HFM1: variants seen among roughly 807,000 people sequenced by gnomAD.
The protein encoded by HFM1 is helicase for meiosis 1, also known as probable ATP-dependent DNA helicase HFM1.
Under a neutral mutation model 192.1 loss-of-function variants are expected in HFM1, and 169 were observed. That is an observed-to-expected ratio of 0.88 (90% CI 0.78 to 1.00). HFM1 has a LOEUF of 1.00. HFM1 is among the 50% of genes least tolerant of loss of function. The pLI is 0.00. For missense variants in HFM1, 1,661 were observed against 1,668.0 expected, an observed-to-expected ratio of 1.00 and a Z score of 0.07; for synonymous variants, 525 against 537.8, an observed-to-expected ratio of 0.98 and a Z score of 0.33.
intron 23 of HFM1, among the ~76,000 whole-genome samples, chr1:91,321,320 T>G (rs1652069695): frequency 6.6e-6 from 1 of 152,142 alleles, no homozygotes; most frequent in South Asian, 2.1e-4. Context: ...AGTGTGCTCC[T>G]GTAATCACAG....
At chr1:91,372,209 A>T in intron 13 of HFM1, among the ~76,000 whole-genome samples, 1 of 152,212 alleles carries the variant, frequency 6.6e-6, no homozygotes, top group Non-Finnish European at 1.5e-5. Context: ...AACTAGAAAT[A>T]CCATTTGATC....
chr1:91,366,122 CA>C (rs1262190439), intron 13 of HFM1, among the ~76,000 whole-genome samples: 1 of 151,822 alleles, frequency 6.6e-6, no homozygotes, highest in African/African-American at 2.4e-5. Context: ...TATATGTTTG[CA>C]AAAAAATGAT....
chr1:91,394,048 C>A, intron 4 of HFM1, 45 bp downstream of exon 4: 1 of 1,085,486 alleles, frequency 9.2e-7, no homozygotes. Flanking sequence ...TACAAATATT[C>A]AACTTTATTC....
At chr1:91,368,939 G>A (rs1659774433) in intron 13 of HFM1, among the ~76,000 whole-genome samples, 2 of 151,948 alleles carry the variant, frequency 1.3e-5, no homozygotes, top group South Asian at 4.2e-4. Context: ...AAAAGGCAGG[G>A]GTTGCAATCC....
At chr1:91,291,431 C>T (rs1249434530) in intron 30 of HFM1, among the ~76,000 whole-genome samples, 1 of 152,160 alleles carries the variant, frequency 6.6e-6, no homozygotes, top group East Asian at 1.9e-4. Flanking sequence ...CACCTCTACG[C>T]AAATAAACTA....
chr1:91,372,991 C>A (rs1411539869), intron 13 of HFM1, among the ~76,000 whole-genome samples: 1 of 151,936 alleles, frequency 6.6e-6, no homozygotes, highest in Non-Finnish European at 1.5e-5. Flanking sequence ...ATGCTTCACA[C>A]CCTAGAGATT....
rs1423513235 is a variant in HFM1, at chr1:91,380,126, C to T, written c.984G>A (p.Trp328Ter). The stretch of plus-strand genomic sequence containing the variant: ...TACTGTAAACAATTTTAATATTCAA[C>T]CATGGCAATGGTACTTCCATTAACA... ...TRLLMEVPLP[W>*]LNIKIVYMAP... The change falls in exon 8 of 39, where the codon TGG becomes TGA. Residue 328 changes from tryptophan to a stop codon, truncating the protein, a stop_gained. Transcript: ENST00000370425. LOFTEE classifies it high-confidence loss of function. 2 of 1,420,358 alleles carry T rather than the reference C, an allele frequency of 1.4e-6. No homozygotes were observed. The highest frequency in any genetic ancestry group is 1.9e-6 in the Non-Finnish European group (2 of 1,033,772). The allele number at this position is 1,420,358 out of a possible 1,614,324, so 88.0% of individuals were successfully genotyped here. A position where few individuals can be genotyped will look rare whatever the true frequency, so the allele number is the denominator to read the frequency against.
intron 34 of HFM1, 36 bp from the exon 35 acceptor site, chr1:91,267,891 A>G (rs1665917853): frequency 9.0e-7 from 1 of 1,110,224 alleles, no homozygotes; most frequent in Admixed American, 2.2e-5. Flanking sequence ...TGCATCTGTC[A>G]AATGTTGGTT....
chr1:91,294,893 G>A (rs1388535278), intron 30 of HFM1, among the ~76,000 whole-genome samples: 1 of 152,118 alleles, frequency 6.6e-6, no homozygotes, highest in Non-Finnish European at 1.5e-5. Flanking sequence ...CACATAATAT[G>A]CAAGGGGAAT....
chr1:91,401,129 T>G lies in HFM1; in HGVS notation c.-27-20A>C, dbSNP rs780441809. The G allele has an allele frequency of 2.9e-6, 3 of 1,020,732 alleles. No homozygotes were observed. In the Admixed American group the frequency reaches 7.8e-5, roughly 27 times the overall value. The allele number at this position is 1,020,732 out of a possible 1,614,324, so 63.2% of individuals were successfully genotyped here. On this transcript the variant is annotated intron_variant, in intron 1 of 38. Coordinates refer to ENST00000370425, the MANE Select transcript of HFM1 (RefSeq NM_001017975.6). The stretch of plus-strand genomic sequence containing the variant: ...ATAAATCTACAAAATATGGAAAAAG[T>G]AGTTTATATTTTATTTATAAAGATG...
At chr1:91,335,619 C>T (rs1482880415) in intron 20 of HFM1, among the ~76,000 whole-genome samples, 1 of 152,008 alleles carries the variant, frequency 6.6e-6, no homozygotes, top group East Asian at 1.9e-4. Context: ...ACAGGAAATT[C>T]AGGATATTTC....
intron 8 of HFM1, 139 bp downstream of exon 8, chr1:91,379,965 A>G (rs1661359551): frequency 2.4e-6 from 1 of 420,648 alleles, no homozygotes; most frequent in Non-Finnish European, 4.2e-6. Flanking sequence ...AAATTTAATG[A>G]CAAATAAGAC....
chr1:91,399,114 C>T (rs1020177605), intron 2 of HFM1, among the ~76,000 whole-genome samples: 1 of 152,188 alleles, frequency 6.6e-6, no homozygotes, highest in African/African-American at 2.4e-5. Flanking sequence ...TAATTACTTA[C>T]TGAGTACTAT....
chr1:91,364,378 T>C (rs1658940830), intron 13 of HFM1, among the ~76,000 whole-genome samples: 6 of 151,620 alleles, frequency 4.0e-5, no homozygotes, highest in Admixed American at 2.6e-4. Context: ...GGAAATAGTA[T>C]TGAGATTTCT....
chr1:91,368,300 T>C (rs1301540046), intron 13 of HFM1, among the ~76,000 whole-genome samples: 2 of 152,108 alleles, frequency 1.3e-5, no homozygotes, highest in Non-Finnish European at 2.9e-5. Context: ...AATTGTCAGA[T>C]TCACCAAAGT....
chr1:91,327,912 T>C (rs945002376), intron 20 of HFM1, among the ~76,000 whole-genome samples: 17 of 152,178 alleles, frequency 1.1e-4, no homozygotes, highest in Non-Finnish European at 2.2e-4. Context: ...AAAAATTTTT[T>C]GAAACAAATG....
upstream of HFM1, among the ~76,000 whole-genome samples, chr1:91,406,699 G>A (rs1326349918): frequency 6.6e-6 from 1 of 152,170 alleles, no homozygotes; most frequent in African/African-American, 2.4e-5. Flanking sequence ...ACTAACATTT[G>A]AAATATAGTC....
chr1:91,337,444 A>G (rs1654751271), intron 20 of HFM1, among the ~76,000 whole-genome samples: 1 of 152,246 alleles, frequency 6.6e-6, no homozygotes, highest in Non-Finnish European at 1.5e-5. Flanking sequence ...GACAAAATAA[A>G]GTATTAGTAA....
At chr1:91,360,448 A>G (rs1449851058) in intron 13 of HFM1, among the ~76,000 whole-genome samples, 3 of 152,236 alleles carry the variant, frequency 2.0e-5, no homozygotes. Flanking sequence ...AAAGACAAAG[A>G]AGGGCATTAC....
Sources: gnomAD v4.1 joint callset for allele counts (sites outside exome capture counted in the v4.1 genomes callset) on GRCh38, gnomAD v4.1.1 for gene constraint, MANE v1.5 for transcripts, NCBI Gene and HGNC (gene_info 2026-07-23, HGNC 2026-07-21) for gene names.